Variants in NRG1 observed in about 807,000 individuals in gnomAD.
NRG1 encodes pro-neuregulin-1, membrane-bound isoform.
In NRG1, 18 loss-of-function variants were observed where a neutral mutation model predicts 63.8. The observed-to-expected ratio is 0.28, with a 90% CI of 0.19 to 0.42. The LOEUF (loss-of-function observed/expected upper bound fraction) is 0.42, where lower values mean the gene tolerates loss of function less well. Among genes scored for constraint, NRG1 ranks in the 10% least tolerant of loss-of-function variants. The pLI, the probability that NRG1 is intolerant of heterozygous loss-of-function variation, is 1.00. For synonymous variants in NRG1, 302 were observed against 301.3 expected (o/e 1.00, Z -0.02); for missense variants, 762 against 814.7 (o/e 0.94, Z 0.79).
chr8:32,271,085 C>T (rs973475510), intron 1 of NRG1, among the ~76,000 whole-genome samples: 1 of 151,996 alleles, frequency 6.6e-6, no homozygotes, highest in Non-Finnish European at 1.5e-5. Context: ...TCTGTTTCTC[C>T]TCTTGTCAAA....
At chr8:32,463,257 C>T (rs1291096603) in intron 1 of NRG1, among the ~76,000 whole-genome samples, 1 of 152,080 alleles carries the variant, frequency 6.6e-6, no homozygotes, top group Non-Finnish European at 1.5e-5. Context: ...CTGCAATGAA[C>T]GTCAAAGTGC....
intron 1 of NRG1, among the ~76,000 whole-genome samples, chr8:32,107,184 C>T (rs1168199434): frequency 3.3e-5 from 5 of 151,244 alleles, no homozygotes; most frequent in African/African-American, 4.9e-5. Context: ...CGCAGTGAGC[C>T]GAGATTGCGC....
intron 1 of NRG1, among the ~76,000 whole-genome samples, chr8:31,937,838 C>T (rs948738660): frequency 6.6e-6 from 1 of 152,134 alleles, no homozygotes; most frequent in East Asian, 1.9e-4. Flanking sequence ...AACCACATCC[C>T]CATCCCCCAC....
chr8:32,354,287 A>G (rs1587002267), intron 1 of NRG1, among the ~76,000 whole-genome samples: 1 of 152,072 alleles, frequency 6.6e-6, no homozygotes, highest in Admixed American at 6.5e-5. Context: ...GAGAATCGCT[A>G]GAACCCGGGA....
chr8:32,725,842 G>GT (rs1822035530), intron 5 of NRG1, among the ~76,000 whole-genome samples: 1 of 151,926 alleles, frequency 6.6e-6, no homozygotes, highest in African/African-American at 2.4e-5. Context: ...TAAATAAGTA[G>GT]TTTTTTACAT....
At chr8:31,770,553 T>G in intron 1 of NRG1, among the ~76,000 whole-genome samples, 1 of 139,462 alleles carries the variant, frequency 7.2e-6, no homozygotes, top group Admixed American at 7.6e-5. Context: ...CACTCATAGG[T>G]GGGAATTGAA....
chr8:32,144,235 G>A (rs1007616829), intron 1 of NRG1, among the ~76,000 whole-genome samples: 1 of 152,174 alleles, frequency 6.6e-6, no homozygotes, highest in Non-Finnish European at 1.5e-5. Flanking sequence ...AATTCTGAAT[G>A]ACAATGTAGG....
chr8:31,925,274 A>G (rs1240352386), intron 1 of NRG1, among the ~76,000 whole-genome samples: 1 of 147,190 alleles, frequency 6.8e-6, no homozygotes, highest in Non-Finnish European at 1.5e-5. Flanking sequence ...CTGTGTTATT[A>G]GGTCTATAAA....
At position 31,818,862 on chromosome 8, in the gene NRG1, C is replaced by A. The variant is rs185572965; in HGVS notation, c.37+179431C>A. Among the ~76,000 whole-genome samples, 110 of 152,214 alleles carry A rather than the reference C, an allele frequency of 7.2e-4. 1 individual carries two copies. Among genetic ancestry groups the A allele is most frequent in the African/African-American group, 2.6e-3 (107 of 41,538 alleles). Reference sequence around the variant, plus strand: ...CACGAGGTCAGGATATCGAGACCATCCTGGCTAACACGGTGAAACCCTGTC... The same window carrying A: ...CACGAGGTCAGGATATCGAGACCATACTGGCTAACACGGTGAAACCCTGTC... On this transcript the variant is annotated intron_variant, in intron 1 of 10. Coordinates refer to the NRG1 transcript ENST00000519301.
chr8:31,747,171 G>T (rs1024048546), intron 1 of NRG1, among the ~76,000 whole-genome samples: 1 of 151,978 alleles, frequency 6.6e-6, no homozygotes, highest in African/African-American at 2.4e-5. Context: ...GAAGAGTGCA[G>T]TTGGATTCTT....
intron 1 of NRG1, among the ~76,000 whole-genome samples, chr8:32,097,715 A>G (rs923734490): frequency 2.0e-5 from 3 of 152,190 alleles, no homozygotes; most frequent in Non-Finnish European, 4.4e-5. Context: ...AGATGCAGTT[A>G]AGGAAGCAAG....
At chr8:31,839,754 G>A (rs1024406647) in intron 1 of NRG1, among the ~76,000 whole-genome samples, 5 of 152,156 alleles carry the variant, frequency 3.3e-5, no homozygotes, top group Admixed American at 2.0e-4. Context: ...AAACATAGAA[G>A]TACTTGGTGA....
chr8:31,868,269 C>T (rs1174644526), intron 1 of NRG1, among the ~76,000 whole-genome samples: 1 of 151,624 alleles, frequency 6.6e-6, no homozygotes, highest in Non-Finnish European at 1.5e-5. Context: ...CCTAAGATTC[C>T]TTGGTTTTGT....
intron 1 of NRG1, among the ~76,000 whole-genome samples, chr8:32,554,915 TTC>T (rs71208194): frequency 9.5e-5 from 14 of 147,196 alleles, no homozygotes; most frequent in Admixed American, 6.8e-4. Flanking sequence ...TGCTTTTTTC[TTC>T]TCTCTCTCTC....
chr8:32,404,289 G>C (rs1340638825), intron 1 of NRG1, among the ~76,000 whole-genome samples: 5 of 146,208 alleles, frequency 3.4e-5, no homozygotes, highest in African/African-American at 1.3e-4. Context: ...CAAAAATCAG[G>C]GAAGGAGGAA....
chr8:32,472,395 C>T (rs1030128070), intron 1 of NRG1, among the ~76,000 whole-genome samples: 2 of 152,186 alleles, frequency 1.3e-5, no homozygotes, highest in African/African-American at 4.8e-5. Context: ...GTCTCGAACT[C>T]CTGACCTCAG....
intron 1 of NRG1, among the ~76,000 whole-genome samples, chr8:31,908,385 T>G (rs190064905): frequency 2.0e-5 from 3 of 152,194 alleles, no homozygotes; most frequent in African/African-American, 7.2e-5. Flanking sequence ...CATCAATTAT[T>G]TGAGGAATCT....
At chr8:32,105,451 G>A (rs534919248) in intron 1 of NRG1, among the ~76,000 whole-genome samples, 8 of 152,168 alleles carry the variant, frequency 5.3e-5, no homozygotes, top group Non-Finnish European at 7.4e-5. Flanking sequence ...ATCAGATCTC[G>A]TGAGACTTAC....
intron 5 of NRG1, among the ~76,000 whole-genome samples, chr8:32,712,154 C>A (rs1007864467): frequency 3.9e-5 from 6 of 152,178 alleles, no homozygotes; most frequent in African/African-American, 1.4e-4. Context: ...GACATCAATT[C>A]TAGCATGTGA....
Sources: allele counts gnomAD v4.1 joint callset (sites outside exome capture counted in the v4.1 genomes callset), GRCh38; gene constraint gnomAD v4.1.1; transcripts MANE v1.5; gene names NCBI Gene and HGNC (gene_info 2026-07-23, HGNC 2026-07-21).